Variants in TAFA5 observed in about 807,000 individuals in gnomAD.
TAFA5 encodes the protein TAFA chemokine like family member 5, also known as chemokine-like protein TAFA-5.
In TAFA5, 6 loss-of-function variants were observed where a neutral mutation model predicts 15.3. The ratio of observed to expected loss-of-function variants is 0.39; its 90% confidence interval spans 0.21 to 0.77. TAFA5 has a LOEUF of 0.77. TAFA5 is among the 30% of genes least tolerant of loss of function. TAFA5 has a pLI of 0.41. For synonymous variants in TAFA5, 103 were observed against 80.7 expected (o/e 1.28, Z -1.48); for missense variants, 161 against 193.1 (o/e 0.83, Z 0.98).
intron 1 of TAFA5, among the ~76,000 whole-genome samples, chr22:48,621,782 G>A (rs1200128070): frequency 2.6e-5 from 4 of 152,270 alleles, no homozygotes; most frequent in African/African-American, 7.2e-5. Context: ...TCTCGAGGTG[G>A]GGAGTGGTGG....
chr22:48,611,614 A>G (rs1297183117), intron 1 of TAFA5, among the ~76,000 whole-genome samples: 2 of 151,902 alleles, frequency 1.3e-5, no homozygotes, highest in Non-Finnish European at 2.9e-5. Context: ...GTCCCCTGAG[A>G]CCTTCAGAGA....
At chr22:48,711,843 G>A (rs941397466) in intron 3 of TAFA5, among the ~76,000 whole-genome samples, 2 of 152,118 alleles carry the variant, frequency 1.3e-5, no homozygotes, top group Non-Finnish European at 2.9e-5. Flanking sequence ...CCGATCCCCC[G>A]TCACTCCTCA....
chr22:48,688,177 A>G (rs1928425047), intron 2 of TAFA5, among the ~76,000 whole-genome samples: 1 of 152,068 alleles, frequency 6.6e-6, no homozygotes, highest in South Asian at 2.1e-4. Context: ...CCCTTCATAA[A>G]GGGAGGCGTT....
chr22:48,662,503 A>G (rs1927478571), intron 2 of TAFA5, among the ~76,000 whole-genome samples: 2 of 151,988 alleles, frequency 1.3e-5, no homozygotes, highest in South Asian at 4.2e-4. Flanking sequence ...TCAAGGGCCC[A>G]GGCGGTGGGG....
intron 2 of TAFA5, 72 bp from the exon 3 acceptor site, chr22:48,707,645 C>T: frequency 6.4e-7 from 1 of 1,553,664 alleles, no homozygotes. Context: ...TGCCAGGACC[C>T]AGGTGCCCTC....
At chr22:48,583,477 A>G (rs944037090) in intron 1 of TAFA5, among the ~76,000 whole-genome samples, 2 of 146,242 alleles carry the variant, frequency 1.4e-5, no homozygotes, top group Admixed American at 6.7e-5. Context: ...CACACACCAC[A>G]TACAAAATAC....
chr22:48,534,754 C>T (rs921680019), intron 1 of TAFA5, among the ~76,000 whole-genome samples: 3 of 152,176 alleles, frequency 2.0e-5, no homozygotes, highest in Admixed American at 6.5e-5. Context: ...GGCTCTCCGG[C>T]GGGCACCGCG....
chr22:48,546,841 C>T (rs916169018), intron 1 of TAFA5: 1 of 297,556 alleles, frequency 3.4e-6, no homozygotes, highest in Non-Finnish European at 6.7e-6. Flanking sequence ...TCCACCCTCT[C>T]GTGCGGGGAG....
chr22:48,664,380 C>T (rs1927543744), intron 2 of TAFA5, among the ~76,000 whole-genome samples: 1 of 152,158 alleles, frequency 6.6e-6, no homozygotes, highest in Non-Finnish European at 1.5e-5. Flanking sequence ...CATCATCAGG[C>T]CATCTTTGAT....
chr22:48,603,472 T>A (rs1192819938), intron 1 of TAFA5, among the ~76,000 whole-genome samples: 1 of 152,210 alleles, frequency 6.6e-6, no homozygotes, highest in Non-Finnish European at 1.5e-5. Context: ...CCCTGCCTGC[T>A]GGTGGAAGAT....
intron 1 of TAFA5, among the ~76,000 whole-genome samples, chr22:48,557,445 C>T (rs1023734745): frequency 1.3e-5 from 2 of 152,204 alleles, no homozygotes; most frequent in African/African-American, 4.8e-5. Context: ...ACATGAGTTT[C>T]TGCCCTGAGC....
At chr22:48,554,303 A>C (rs958512395) in intron 1 of TAFA5, among the ~76,000 whole-genome samples, 1 of 152,182 alleles carries the variant, frequency 6.6e-6, no homozygotes, top group Non-Finnish European at 1.5e-5. Flanking sequence ...ATAGGAAGGA[A>C]ATTATCATAA....
At chr22:48,538,358 GC>G (rs763875406) in intron 1 of TAFA5, among the ~76,000 whole-genome samples, 1 of 152,210 alleles carries the variant, frequency 6.6e-6, no homozygotes, top group Non-Finnish European at 1.5e-5. Context: ...AGGCCATGGG[GC>G]GCCCCATCCT....
At chr22:48,661,964 G>T (rs1423357590) in intron 2 of TAFA5, among the ~76,000 whole-genome samples, 3 of 140,374 alleles carry the variant, frequency 2.1e-5, no homozygotes, top group Non-Finnish European at 4.6e-5. Context: ...GCTCATTGGG[G>T]TGCCCACTTT....
chr22:48,732,783 G>A (rs2147268062), intron 3 of TAFA5, among the ~76,000 whole-genome samples: 1 of 152,284 alleles, frequency 6.6e-6, no homozygotes, highest in African/African-American at 2.4e-5. Flanking sequence ...AATCGATACA[G>A]CAAACGTTAG....
At chr22:48,738,178 G>A (rs370113767) in intron 3 of TAFA5, among the ~76,000 whole-genome samples, 2 of 152,330 alleles carry the variant, frequency 1.3e-5, no homozygotes, top group East Asian at 3.9e-4. Context: ...AGAACTGGGA[G>A]CCGAGCACGG....
intron 2 of TAFA5, among the ~76,000 whole-genome samples, chr22:48,655,489 A>G (rs9617480): frequency 0.65 from 98,484 of 151,970 alleles, 32,685 homozygotes; most frequent in South Asian, 0.77. Flanking sequence ...AGAACGCTCC[A>G]TCCTCACGTG....
At chr22:48,548,014 T>C (rs1601571308) in intron 1 of TAFA5, among the ~76,000 whole-genome samples, 2 of 152,144 alleles carry the variant, frequency 1.3e-5, no homozygotes, top group Non-Finnish European at 2.9e-5. Context: ...GATGTGTTCT[T>C]CCTGCCTGCG....
chr22:48,696,921 C>A (rs1371440397), intron 2 of TAFA5, among the ~76,000 whole-genome samples: 2 of 152,214 alleles, frequency 1.3e-5, no homozygotes, highest in African/African-American at 2.4e-5. Flanking sequence ...GACCGAAAAC[C>A]TCCCTGGAAA....
Sources: allele counts gnomAD v4.1 joint callset (sites outside exome capture counted in the v4.1 genomes callset), GRCh38; gene constraint gnomAD v4.1.1; transcripts MANE v1.5; gene names NCBI Gene and HGNC (gene_info 2026-07-23, HGNC 2026-07-21).